Variants in MTHFD1L observed in about 807,000 individuals in gnomAD.
MTHFD1L encodes the protein methylenetetrahydrofolate dehydrogenase (NADP+ dependent) 1 like, also known as monofunctional C1-tetrahydrofolate synthase, mitochondrial.
Under a neutral mutation model 119.5 loss-of-function variants are expected in MTHFD1L, and 81 were observed. That is an observed-to-expected ratio of 0.68 (90% CI 0.57 to 0.82). MTHFD1L has a LOEUF of 0.82. Ranked by LOEUF, MTHFD1L falls within the 40% of genes least tolerant of loss-of-function variation. The pLI is 0.00. For synonymous variants in MTHFD1L, 430 were observed against 475.2 expected (o/e 0.90, Z 1.24); for missense variants, 1,125 against 1,253.4 (o/e 0.90, Z 1.55).
intron 20 of MTHFD1L, among the ~76,000 whole-genome samples, chr6:150,978,396 T>G (rs574224805): frequency 6.6e-6 from 1 of 152,308 alleles, no homozygotes; most frequent in African/African-American, 2.4e-5. Flanking sequence ...CCTAATTGAT[T>G]GCAACTCTGC....
At chr6:151,070,555 T>C (rs1371151207) in intron 26 of MTHFD1L, among the ~76,000 whole-genome samples, 1 of 152,226 alleles carries the variant, frequency 6.6e-6, no homozygotes, top group African/African-American at 2.4e-5. Context: ...TCAACAAACA[T>C]TTCCTTAATG....
At chr6:150,908,229 T>C (rs1786269118) in intron 8 of MTHFD1L, among the ~76,000 whole-genome samples, 1 of 151,848 alleles carries the variant, frequency 6.6e-6, no homozygotes, top group Non-Finnish European at 1.5e-5. Context: ...TATTGAGTGT[T>C]TGACAAGTTA....
chr6:150,925,610 C>G (rs1789813698), intron 10 of MTHFD1L, among the ~76,000 whole-genome samples: 1 of 152,098 alleles, frequency 6.6e-6, no homozygotes, highest in African/African-American at 2.4e-5. Context: ...GAAGTGTGGA[C>G]ACAGATAAAA....
At chr6:151,004,743 A>G (rs1375739254) in intron 20 of MTHFD1L, among the ~76,000 whole-genome samples, 2 of 152,238 alleles carry the variant, frequency 1.3e-5, no homozygotes, top group African/African-American at 4.8e-5. Flanking sequence ...AAACCATGCT[A>G]TAGAATCACT....
chr6:151,086,687 CTGGCTAATTTTTGTT>C (rs1793840128), intron 26 of MTHFD1L, among the ~76,000 whole-genome samples: 1 of 152,000 alleles, frequency 6.6e-6, no homozygotes, highest in African/African-American at 2.4e-5. Context: ...ACCACCACAC[CTGGCTAATTTTTGTT>C]TGTTTTTTGT....
chr6:150,881,923 A>G (rs1194494683), intron 4 of MTHFD1L, among the ~76,000 whole-genome samples: 1 of 152,204 alleles, frequency 6.6e-6, no homozygotes, highest in African/African-American at 2.4e-5. Context: ...TTGCTAGGCA[A>G]TGAAACAAAA....
chr6:151,099,712 A>G lies in MTHFD1L; in HGVS notation c.*32-1814A>G. ...GATGCCCAACACTGGTTATGGGAGC[A>G]ACAAAAAAACAAAGCACATGCTGCC... is the stretch of plus-strand genomic sequence containing the variant. On this transcript the variant is annotated intron_variant, in intron 27 of 27. Coordinates refer to ENST00000367321, the MANE Select transcript of MTHFD1L (RefSeq NM_015440.5). The G allele has an allele frequency of 1.9e-6, 3 of 1,611,332 alleles. No homozygotes were observed. In the South Asian group the frequency reaches 3.3e-5, roughly 18 times the overall value.
chr6:151,092,145 C>G (rs1794506950), intron 26 of MTHFD1L, among the ~76,000 whole-genome samples: 1 of 152,038 alleles, frequency 6.6e-6, no homozygotes, highest in Non-Finnish European at 1.5e-5. Context: ...ATGGGCTTGT[C>G]TTTGTTGGCG....
intron 20 of MTHFD1L, among the ~76,000 whole-genome samples, chr6:151,009,306 G>A (rs548157864): frequency 2.0e-5 from 3 of 152,034 alleles, no homozygotes; most frequent in East Asian, 3.9e-4. Flanking sequence ...AGGCTGAGGC[G>A]GGTGGATCAC....
At chr6:150,882,029 A>G (rs113164802) in intron 4 of MTHFD1L, among the ~76,000 whole-genome samples, 6 of 152,354 alleles carry the variant, frequency 3.9e-5, no homozygotes, top group African/African-American at 1.4e-4. Flanking sequence ...GTTAAGTGAG[A>G]TGAATCAGGA....
chr6:150,945,368 C>G lies in MTHFD1L; in HGVS notation c.1549-99C>G, dbSNP rs803445. On this transcript the variant is annotated intron_variant, in intron 14 of 27. Coordinates refer to ENST00000367321, the MANE Select transcript of MTHFD1L (RefSeq NM_015440.5). ...AATAGGGTCTTTTATCTAAATAGTT[C>G]GGTTATAAATGCAATGAATTTTTGT... The G allele has an allele frequency of 9.2e-6, 8 of 867,976 alleles. No individual in the cohort carries two copies. In the Admixed American group the frequency reaches 1.7e-4, roughly 19 times the overall value. The allele number at this position is 867,976 out of a possible 1,614,324, so 53.8% of individuals were successfully genotyped here.
intron 26 of MTHFD1L, among the ~76,000 whole-genome samples, chr6:151,054,284 AAAGTT>A (rs1789541162): frequency 6.6e-6 from 1 of 152,234 alleles, no homozygotes; most frequent in Non-Finnish European, 1.5e-5. Context: ...GAAGAGTAAT[AAAGTT>A]AAGTTTATGA....
At chr6:151,060,008 G>A (rs1022853986) in intron 26 of MTHFD1L, among the ~76,000 whole-genome samples, 1 of 152,200 alleles carries the variant, frequency 6.6e-6, no homozygotes, top group Non-Finnish European at 1.5e-5. Flanking sequence ...AGGTCAGCAA[G>A]AGGACATCTC....
intron 27 of MTHFD1L, chr6:151,099,793 A>T: frequency 6.2e-7 from 1 of 1,607,030 alleles, no homozygotes; most frequent in East Asian, 2.2e-5. Context: ...AGTGCTGCTG[A>T]TGTGCAACAA....
At chr6:150,943,519 C>A (rs1793491062) in intron 13 of MTHFD1L, among the ~76,000 whole-genome samples, 1 of 152,006 alleles carries the variant, frequency 6.6e-6, no homozygotes, top group Non-Finnish European at 1.5e-5. Flanking sequence ...AACCTAGTAA[C>A]TACCTCCTGA....
At position 150,926,070 on chromosome 6, in the gene MTHFD1L, A is replaced by G; in HGVS notation, c.1083-52A>G. 5 of 1,529,000 alleles carry G rather than the reference A, an allele frequency of 3.3e-6. No homozygotes were observed. The highest frequency in any genetic ancestry group is 4.4e-6 in the Non-Finnish European group (5 of 1,124,480). The allele number at this position is 1,529,000 out of a possible 1,614,324, so 94.7% of individuals were successfully genotyped here. A position where few individuals can be genotyped will look rare whatever the true frequency, so the allele number is the denominator to read the frequency against. On this transcript the variant is annotated intron_variant, in intron 10 of 27. Transcript: ENST00000367321. This position sits in a 1 kb window ranked among gnomAD's most constrained non-coding sequence, Gnocchi z 4.3. Reference sequence around the variant, plus strand: ...TGTGGCTGTTTTCACTCCAGTTGTGACCACCTAAGCTGAGAAGCCTTTTCT... The same window carrying G: ...TGTGGCTGTTTTCACTCCAGTTGTGGCCACCTAAGCTGAGAAGCCTTTTCT...
intron 26 of MTHFD1L, among the ~76,000 whole-genome samples, chr6:151,077,328 C>T (rs758160734): frequency 5.9e-5 from 9 of 152,146 alleles, no homozygotes; most frequent in Non-Finnish European, 8.8e-5. Context: ...ATCTGGAACC[C>T]GAATGGCATC....
In MTHFD1L at chr6:150,905,602, T is replaced by C. The variant is rs760068911; in HGVS notation, c.781-48T>C. 2.2e-6 allele frequency: 3 copies of C among 1,387,270 alleles called. No homozygotes were observed. In the Admixed American group the frequency reaches 5.0e-5, roughly 23 times the overall value. The allele number at this position is 1,387,270 out of a possible 1,614,324, so 85.9% of individuals were successfully genotyped here. On this transcript the variant is annotated intron_variant, in intron 7 of 27. Coordinates refer to ENST00000367321, the MANE Select transcript of MTHFD1L (RefSeq NM_015440.5). ...TTTGACATCAGTAGTTACTTGTGTC[T>C]TTATGCCTCAGATCAAGATGTGCGT...
chr6:150,976,069 C>T (rs951552995), intron 20 of MTHFD1L, among the ~76,000 whole-genome samples: 4 of 152,058 alleles, frequency 2.6e-5, no homozygotes, highest in Admixed American at 6.6e-5. Flanking sequence ...GGCTTGGTGG[C>T]GCATGATGTA....
Sources: gnomAD v4.1 joint callset for allele counts (sites outside exome capture counted in the v4.1 genomes callset) on GRCh38, gnomAD v4.1.1 for gene constraint, Gnocchi (gnomAD v3.1) non-coding constraint, MANE v1.5 for transcripts, NCBI Gene and HGNC (gene_info 2026-07-23, HGNC 2026-07-21) for gene names.